The following PAK5 variants were observed in gnomAD, a reference collection of about 807,000 sequenced individuals.
PAK5 encodes serine/threonine-protein kinase PAK 5.
In PAK5, 16 loss-of-function variants were observed where a neutral mutation model predicts 65.9. The ratio of observed to expected loss-of-function variants is 0.24; its 90% confidence interval spans 0.16 to 0.37. PAK5 has a LOEUF of 0.37. Among genes scored for constraint, PAK5 ranks in the 10% least tolerant of loss-of-function variants. The probability of loss-of-function intolerance (pLI) is 1.00; values close to 1 mark genes in which losing one functional copy is unlikely to be tolerated. For missense variants in PAK5, 785 were observed against 903.9 expected (o/e 0.87, Z 1.69); for synonymous variants, 371 against 354.9 (o/e 1.05, Z -0.51).
intron 2 of PAK5, among the ~76,000 whole-genome samples, chr20:9,664,635 G>T (rs1036400808): frequency 2.6e-5 from 4 of 152,100 alleles, no homozygotes; most frequent in African/African-American, 4.8e-5. Flanking sequence ...TGCTGCTGTG[G>T]TTTTTAATTA....
chr20:9,799,026 A>C (rs895713816), intron 1 of PAK5, among the ~76,000 whole-genome samples: 1 of 152,190 alleles, frequency 6.6e-6, no homozygotes, highest in African/African-American at 2.4e-5. Flanking sequence ...AAAGGAAAGA[A>C]TTAAAAAGTA....
chr20:9,650,665 G>A (rs2047191527), intron 2 of PAK5, among the ~76,000 whole-genome samples: 2 of 152,032 alleles, frequency 1.3e-5, no homozygotes, highest in African/African-American at 2.4e-5. Flanking sequence ...TTGGTTCTCA[G>A]AACCTTGCTT....
chr20:9,821,918 G>A (rs573159301), intron 1 of PAK5, among the ~76,000 whole-genome samples: 22 of 152,310 alleles, frequency 1.4e-4, no homozygotes, highest in African/African-American at 5.3e-4. Flanking sequence ...TCATGGGCAT[G>A]AACAACATTT....
chr20:9,566,650 AC>A (rs2045687930), intron 4 of PAK5, among the ~76,000 whole-genome samples: 1 of 152,000 alleles, frequency 6.6e-6, no homozygotes, highest in Non-Finnish European at 1.5e-5. Context: ...GTAATGAAAA[AC>A]CCCATCCCTC....
chr20:9,565,865 G>T, intron 5 of PAK5, 28 bp downstream of exon 5: 4 of 1,580,628 alleles, frequency 2.5e-6, no homozygotes, highest in Non-Finnish European at 2.6e-6. Context: ...ACAAAGGAGA[G>T]AAAGGATGAC....
chr20:9,667,593 A>T (rs1288699620), intron 2 of PAK5, among the ~76,000 whole-genome samples: 1 of 152,046 alleles, frequency 6.6e-6, no homozygotes, highest in African/African-American at 2.4e-5. Context: ...GTTGCATACC[A>T]CTGGGGAAGC....
chr20:9,699,557 T>G (rs1175186183), intron 2 of PAK5, among the ~76,000 whole-genome samples: 1 of 18,028 alleles, frequency 5.5e-5, no homozygotes, highest in Non-Finnish European at 1.3e-4. Context: ...CTTCTTGTTT[T>G]TTTTTTTTTT....
At chr20:9,645,787 C>T (rs1280788088) in intron 2 of PAK5, among the ~76,000 whole-genome samples, 7 of 152,084 alleles carry the variant, frequency 4.6e-5, no homozygotes, top group Admixed American at 2.0e-4. Context: ...GGGGTTTCAC[C>T]GTGTTAGCCA....
chr20:9,550,830 G>A (rs1266284643), intron 7 of PAK5, among the ~76,000 whole-genome samples: 9 of 151,730 alleles, frequency 5.9e-5, no homozygotes, highest in African/African-American at 1.2e-4. Context: ...AGGAACAAAC[G>A]TTCCAGTTTT....
chr20:9,780,694 C>A (rs771713380), intron 1 of PAK5, among the ~76,000 whole-genome samples: 2 of 151,968 alleles, frequency 1.3e-5, no homozygotes, highest in African/African-American at 4.8e-5. Context: ...TACACACCCC[C>A]CTTGGAAGCT....
intron 1 of PAK5, among the ~76,000 whole-genome samples, chr20:9,800,276 T>C (rs2049154733): frequency 6.6e-6 from 1 of 152,142 alleles, no homozygotes; most frequent in Non-Finnish European, 1.5e-5. Flanking sequence ...ATCTGTTTCT[T>C]CTATTGAAAT....
At chr20:9,568,121 A>C (rs888670381) in intron 4 of PAK5, among the ~76,000 whole-genome samples, 2 of 152,172 alleles carry the variant, frequency 1.3e-5, no homozygotes, top group African/African-American at 2.4e-5. Flanking sequence ...CTTGGCAAAG[A>C]CGTTGGCTTT....
At chr20:9,612,691 G>A (rs145204894) in intron 3 of PAK5, among the ~76,000 whole-genome samples, 178 of 152,068 alleles carry the variant, frequency 1.2e-3, no homozygotes, top group African/African-American at 4.1e-3. Context: ...TGATTACAAT[G>A]CAACATGAGA....
chr20:9,551,180 A>G (rs1036217885), intron 7 of PAK5, among the ~76,000 whole-genome samples: 2 of 152,236 alleles, frequency 1.3e-5, no homozygotes, highest in African/African-American at 4.8e-5. Context: ...CTGCAAGTAG[A>G]TAATGAGAAC....
rs146956650 is a variant in PAK5, at chr20:9,777,130, A to G, written c.-162+61632T>C. On this transcript the variant is annotated intron_variant, in intron 1 of 9. Coordinates refer to ENST00000353224, the MANE Select transcript of PAK5 (RefSeq NM_177990.4). ...TCCAGCCACTCAGGAGGCTAGGCTG[A>G]GATGGGAGGATTGCTTGAGCTCAGG... Among the ~76,000 whole-genome samples, 224 of 152,304 alleles carry G rather than the reference A, an allele frequency of 1.5e-3. 2 individuals carry two copies. The East Asian group carries it at 0.03, about 21-fold the overall frequency.
intron 7 of PAK5, among the ~76,000 whole-genome samples, chr20:9,555,286 T>G (rs531998926): frequency 2.4e-4 from 36 of 152,190 alleles, no homozygotes; most frequent in Non-Finnish European, 4.4e-4. Flanking sequence ...TGCACAGGGA[T>G]GCAGGAGGTG....
intron 1 of PAK5, among the ~76,000 whole-genome samples, chr20:9,758,733 G>A (rs2048663943): frequency 6.6e-6 from 1 of 152,104 alleles, no homozygotes; most frequent in Non-Finnish European, 1.5e-5. Context: ...TAAATGTGTG[G>A]GAACTAAAAT....
chr20:9,837,107 A>C (rs556468863), intron 1 of PAK5, among the ~76,000 whole-genome samples: 10 of 152,340 alleles, frequency 6.6e-5, no homozygotes, highest in African/African-American at 2.4e-4. Context: ...AACAAGCTGC[A>C]GAGACCTAGT....
At chr20:9,745,337 A>G (rs2048494428) in intron 1 of PAK5, among the ~76,000 whole-genome samples, 1 of 151,976 alleles carries the variant, frequency 6.6e-6, no homozygotes, top group African/African-American at 2.4e-5. Flanking sequence ...TAATATATGA[A>G]TCACATTCGA....
Sources: allele counts gnomAD v4.1 joint callset (sites outside exome capture counted in the v4.1 genomes callset), GRCh38; gene constraint gnomAD v4.1.1; transcripts MANE v1.5; gene names NCBI Gene and HGNC (gene_info 2026-07-23, HGNC 2026-07-21).